SLIT2: variants seen among roughly 807,000 people sequenced by gnomAD.
SLIT2 encodes the protein slit homolog 2 protein.
In SLIT2, 41 loss-of-function variants were observed where a neutral mutation model predicts 185.7. The observed-to-expected ratio is 0.22, with a 90% CI of 0.17 to 0.29. The LOEUF (loss-of-function observed/expected upper bound fraction) is 0.29. SLIT2 is among the 10% of genes least tolerant of loss of function. SLIT2 has a pLI of 1.00. For missense variants in SLIT2, 1,571 were observed against 1,909.0 expected (o/e 0.82, Z 3.30); for synonymous variants, 693 against 680.2 (o/e 1.02, Z -0.29).
chr4:20,484,780 ATTGT>A lies in SLIT2; in HGVS notation c.540-1416_540-1413del, dbSNP rs959572810. Among the ~76,000 whole-genome samples the A allele has an allele frequency of 2.6e-5, 4 of 152,098 alleles. No individual in the cohort carries two copies. Among genetic ancestry groups the A allele is most frequent in the African/African-American group, 9.7e-5 (4 of 41,420 alleles). ...TCTCTAGCTTCCCTTGGAAAATCTG[ATTGT>A]TTGACAGCCCTCCCTTACAGCAGGT... On this transcript the variant is annotated intron_variant, in intron 6 of 36. Transcript: ENST00000504154. This position sits in a 1 kb window ranked among gnomAD's most constrained non-coding sequence, Gnocchi z 4.3.
chr4:20,475,517 A>G (rs550743001), intron 5 of SLIT2, among the ~76,000 whole-genome samples: 1 of 152,182 alleles, frequency 6.6e-6, no homozygotes, highest in East Asian at 1.9e-4. Context: ...ATGGCAATAC[A>G]TACATCTACA....
intron 21 of SLIT2, among the ~76,000 whole-genome samples, chr4:20,543,883 A>G (rs948370309): frequency 1.3e-5 from 2 of 152,182 alleles, no homozygotes; most frequent in African/African-American, 4.8e-5. Flanking sequence ...GTGTAATTAA[A>G]TATTTAATTC....
At chr4:20,350,434 G>A (rs1384988634) in intron 4 of SLIT2, among the ~76,000 whole-genome samples, 1 of 151,938 alleles carries the variant, frequency 6.6e-6, no homozygotes, top group African/African-American at 2.4e-5. Context: ...TCAAGTCCAT[G>A]TGTGAGATAT....
intron 4 of SLIT2, among the ~76,000 whole-genome samples, chr4:20,407,180 C>G (rs1726840185): frequency 2.0e-5 from 3 of 152,016 alleles, no homozygotes; most frequent in Admixed American, 2.0e-4. Flanking sequence ...GAGGGAGTTG[C>G]TAGTAATGTT....
At chr4:20,387,275 T>C (rs922077087) in intron 4 of SLIT2, among the ~76,000 whole-genome samples, 1 of 152,190 alleles carries the variant, frequency 6.6e-6, no homozygotes, top group African/African-American at 2.4e-5. Flanking sequence ...GTTATATCTA[T>C]TGATATTTAT....
At position 20,264,429 on chromosome 4, in the gene SLIT2, C is replaced by T. The variant is rs75734893; in HGVS notation, c.324-4381C>T. Among the ~76,000 whole-genome samples, 1,245 of 151,820 alleles carry T rather than the reference C, an allele frequency of 8.2e-3. 15 individuals are homozygous for T. Among genetic ancestry groups the T allele is most frequent in the Non-Finnish European group, 0.013 (892 of 67,798 alleles). ...ACCTTATATTTACATGTAAATATGA[C>T]ATGTAAATATGGAGCACAAAATTTT... On this transcript the variant is annotated intron_variant, in intron 3 of 36. Coordinates refer to ENST00000504154, the MANE Select transcript of SLIT2 (RefSeq NM_004787.4).
chr4:20,460,660 C>T (rs1473298125), intron 4 of SLIT2, among the ~76,000 whole-genome samples: 1 of 152,174 alleles, frequency 6.6e-6, no homozygotes, highest in Non-Finnish European at 1.5e-5. Context: ...CGCTGGTAGG[C>T]ACCATTTTAC....
chr4:20,314,790 G>A (rs1254572000), intron 4 of SLIT2, among the ~76,000 whole-genome samples: 6 of 152,056 alleles, frequency 3.9e-5, no homozygotes, highest in Admixed American at 2.6e-4. Flanking sequence ...ACTGCAGATG[G>A]TCAATAAATT....
intron 9 of SLIT2, 35 bp downstream of exon 9, chr4:20,491,934 T>A (rs746106397): frequency 5.6e-6 from 9 of 1,598,078 alleles, no homozygotes; most frequent in Non-Finnish European, 7.7e-6. Flanking sequence ...TCTCCCCACC[T>A]TCCCGGTGAA....
chr4:20,281,049 C>T (rs570995667), intron 4 of SLIT2, among the ~76,000 whole-genome samples: 4 of 152,000 alleles, frequency 2.6e-5, no homozygotes, highest in South Asian at 4.2e-4. Flanking sequence ...GTCAGGCTGG[C>T]GTCAAACTTC....
At chr4:20,455,802 A>G (rs1356880145) in intron 4 of SLIT2, among the ~76,000 whole-genome samples, 2 of 152,128 alleles carry the variant, frequency 1.3e-5, no homozygotes, top group Non-Finnish European at 2.9e-5. Flanking sequence ...TGTTAATTAT[A>G]TCTCAATAAA....
intron 9 of SLIT2, among the ~76,000 whole-genome samples, chr4:20,496,459 A>G (rs1353676351): frequency 2.0e-5 from 3 of 152,176 alleles, no homozygotes; most frequent in African/African-American, 7.2e-5. Context: ...TATTTATGAA[A>G]TTAAATAAAA....
intron 4 of SLIT2, among the ~76,000 whole-genome samples, chr4:20,442,970 C>G (rs1729887639): frequency 6.6e-6 from 1 of 151,936 alleles, no homozygotes; most frequent in Admixed American, 6.6e-5. Flanking sequence ...GCTTTTTTCC[C>G]CCTTTTGCTA....
intron 4 of SLIT2, among the ~76,000 whole-genome samples, chr4:20,420,047 T>A (rs1299800617): frequency 6.6e-6 from 1 of 152,128 alleles, no homozygotes; most frequent in South Asian, 2.1e-4. Flanking sequence ...AAATGGTAGA[T>A]TTGAACAATA....
chr4:20,258,553 G>C (rs1712102539), intron 3 of SLIT2, among the ~76,000 whole-genome samples: 1 of 151,736 alleles, frequency 6.6e-6, no homozygotes, highest in African/African-American at 2.4e-5. Flanking sequence ...GTCATTCAAA[G>C]TTGGTTTTCT....
chr4:20,419,123 A>T (rs1727952733), intron 4 of SLIT2, among the ~76,000 whole-genome samples: 1 of 152,162 alleles, frequency 6.6e-6, no homozygotes, highest in East Asian at 1.9e-4. Flanking sequence ...ATTTCAAAAC[A>T]TTTGTAAATA....
chr4:20,427,306 C>T (rs1728631628), intron 4 of SLIT2, among the ~76,000 whole-genome samples: 1 of 152,150 alleles, frequency 6.6e-6, no homozygotes, highest in South Asian at 2.1e-4. Context: ...TTATATAAAA[C>T]ATTAAGAGTA....
intron 11 of SLIT2, among the ~76,000 whole-genome samples, chr4:20,518,964 A>G (rs959793141): frequency 6.6e-6 from 1 of 152,030 alleles, no homozygotes; most frequent in Admixed American, 6.6e-5. Context: ...TTTTTTACTT[A>G]ATGTTGTATC....
intron 4 of SLIT2, among the ~76,000 whole-genome samples, chr4:20,323,204 T>C (rs1415849375): frequency 2.0e-5 from 3 of 149,164 alleles, no homozygotes; most frequent in Admixed American, 6.7e-5. Flanking sequence ...AGCTAAAAAA[T>C]GTATTGTAAC....
Sources: gnomAD v4.1 joint callset for allele counts (sites outside exome capture counted in the v4.1 genomes callset) on GRCh38, gnomAD v4.1.1 for gene constraint, Gnocchi (gnomAD v3.1) non-coding constraint, MANE v1.5 for transcripts, NCBI Gene and HGNC (gene_info 2026-07-23, HGNC 2026-07-21) for gene names.